The following ERICH1 variants were observed in gnomAD, a reference collection of about 807,000 sequenced individuals.
ERICH1 encodes glutamate-rich protein 1.
A neutral mutation model predicts 39.6 loss-of-function variants in ERICH1; 56 were observed. That is an observed-to-expected ratio of 1.41 (90% confidence interval 1.14 to 1.77). The LOEUF (loss-of-function observed/expected upper bound fraction) is 1.77, where lower values mean the gene tolerates loss of function less well. Among genes scored for constraint, ERICH1 ranks in the 40% most tolerant of loss-of-function variants. ERICH1 has a pLI of 0.00. For synonymous variants in ERICH1, 313 were observed against 223.6 expected, an observed-to-expected ratio of 1.40 and a Z score of -3.57; for missense variants, 826 against 575.4, an observed-to-expected ratio of 1.44 and a Z score of -4.45.
chr8:624,245 A>C (rs767715356), intron 3 of ERICH1, among the ~76,000 whole-genome samples: 2 of 152,212 alleles, frequency 1.3e-5, no homozygotes, highest in African/African-American at 2.4e-5. Context: ...GATGATGTAA[A>C]GATTGGAGAG....
intron 1 of ERICH1, among the ~76,000 whole-genome samples, chr8:729,127 G>A (rs923562119): frequency 2.0e-5 from 3 of 152,192 alleles, no homozygotes; most frequent in African/African-American, 7.2e-5. Context: ...TACCGTGCCT[G>A]ATTCGCTGCC....
At chr8:679,827 C>T (rs185598760) in intron 3 of ERICH1, among the ~76,000 whole-genome samples, 5 of 151,936 alleles carry the variant, frequency 3.3e-5, no homozygotes, top group Admixed American at 6.5e-5. Flanking sequence ...AGGGAAGAAA[C>T]GCAGCTGCCA....
chr8:679,798 A>C (rs1805711168), intron 3 of ERICH1, among the ~76,000 whole-genome samples: 2 of 152,348 alleles, frequency 1.3e-5, no homozygotes, highest in South Asian at 4.1e-4. Flanking sequence ...CCAGGGAGAC[A>C]ACGTGTGCAA....
chr8:695,782 C>T (rs185741128), intron 2 of ERICH1, among the ~76,000 whole-genome samples: 67 of 146,858 alleles, frequency 4.6e-4, no homozygotes, highest in Non-Finnish European at 8.1e-4. Flanking sequence ...TCTCCTTCCT[C>T]CCCATCAACC....
At chr8:708,717 A>C in intron 2 of ERICH1, among the ~76,000 whole-genome samples, 1 of 55,194 alleles carries the variant, frequency 1.8e-5, no homozygotes, top group South Asian at 7.0e-4. Flanking sequence ...TTTTTGAGAC[A>C]GGGTCTCACT....
intron 4 of ERICH1, among the ~76,000 whole-genome samples, chr8:669,966 G>T (rs577526056): frequency 6.6e-6 from 1 of 152,044 alleles, no homozygotes. Context: ...TCACATCTCC[G>T]TCCTGCCCCC....
At chr8:624,498 G>C (rs1208888302) in intron 3 of ERICH1, among the ~76,000 whole-genome samples, 1 of 152,160 alleles carries the variant, frequency 6.6e-6, no homozygotes, top group Non-Finnish European at 1.5e-5. Context: ...GTCCTTTCTT[G>C]AACTGCTATA....
chr8:691,336 G>A (rs1437480868), intron 3 of ERICH1, among the ~76,000 whole-genome samples: 1 of 152,246 alleles, frequency 6.6e-6, no homozygotes, highest in Non-Finnish European at 1.5e-5. Flanking sequence ...GAACACTGCT[G>A]TAGCTCAGTC....
intron 3 of ERICH1, among the ~76,000 whole-genome samples, chr8:688,447 T>G (rs929123255): frequency 2.6e-5 from 4 of 151,766 alleles, no homozygotes; most frequent in African/African-American, 9.7e-5. Context: ...GCCCATTCTG[T>G]AGGCCAGGCT....
rs1563263108 is a variant in ERICH1, at chr8:687,675, G to C, written c.304+4803C>G. On this transcript the variant is annotated intron_variant, in intron 3 of 5. Coordinates refer to ENST00000262109, the MANE Select transcript of ERICH1 (RefSeq NM_207332.3). Reference sequence around the variant, plus strand: ...CGCCCGGGCGGCCCAGGCGAGGCAGGACGCAGCGCTGACCGGACCCAGGGC... The same window carrying C: ...CGCCCGGGCGGCCCAGGCGAGGCAGCACGCAGCGCTGACCGGACCCAGGGC... Among the ~76,000 whole-genome samples, 4 of 152,270 alleles carry C rather than the reference G, an allele frequency of 2.6e-5. No homozygotes were observed. The East Asian group carries it at 5.8e-4, about 22-fold the overall frequency.
chr8:635,803 TG>T (rs143668530), intron 3 of ERICH1, among the ~76,000 whole-genome samples: 1,719 of 152,306 alleles, frequency 0.011, 30 homozygotes, highest in African/African-American at 0.04. Flanking sequence ...TCCACATGCG[TG>T]CTGCACCCCA....
chr8:655,501 G>A (rs945775980), intron 3 of ERICH1, among the ~76,000 whole-genome samples: 1 of 152,208 alleles, frequency 6.6e-6, no homozygotes, highest in African/African-American at 2.4e-5. Context: ...ACCTGCCCTT[G>A]CAGGAGCTCC....
At chr8:670,126 T>C (rs1802952273) in intron 4 of ERICH1, among the ~76,000 whole-genome samples, 1 of 152,224 alleles carries the variant, frequency 6.6e-6, no homozygotes, top group South Asian at 2.1e-4. Flanking sequence ...TGGTCACTAA[T>C]TCTCTTTTAT....
intron 3 of ERICH1, among the ~76,000 whole-genome samples, chr8:622,245 A>C (rs1310641168): frequency 1.3e-5 from 2 of 151,958 alleles, no homozygotes; most frequent in African/African-American, 2.4e-5. Context: ...TAAATAAATA[A>C]ATTCCTTGCT....
At chr8:676,500 TCGTGAGGACAG>T (rs1804830003) in intron 3 of ERICH1, among the ~76,000 whole-genome samples, 1 of 139,970 alleles carries the variant, frequency 7.1e-6, no homozygotes, top group African/African-American at 2.7e-5. Flanking sequence ...CGGCGGCCCC[TCGTGAGGACAG>T]AGGCGCGGCG....
chr8:616,133 T>A (rs1191666328), intron 3 of ERICH1: 3 of 168,916 alleles, frequency 1.8e-5, no homozygotes, highest in Admixed American at 1.7e-4. Context: ...TAATTTTTTC[T>A]CTGTAATGAT....
At chr8:660,302 A>T (rs1801228188), downstream of ERICH1, among the ~76,000 whole-genome samples, 1 of 152,272 alleles carries the variant, frequency 6.6e-6, no homozygotes, top group African/African-American at 2.4e-5. Flanking sequence ...GACTTTTAAC[A>T]ACAGGCAGAT....
At chr8:632,136 G>C (rs922943099) in intron 3 of ERICH1, among the ~76,000 whole-genome samples, 13 of 152,292 alleles carry the variant, frequency 8.5e-5, no homozygotes, top group African/African-American at 3.1e-4. Flanking sequence ...GGAAAACTTT[G>C]TGGGATAAAT....
chr8:623,299 C>T (rs1797401212), intron 3 of ERICH1, among the ~76,000 whole-genome samples: 1 of 152,142 alleles, frequency 6.6e-6, no homozygotes, highest in Non-Finnish European at 1.5e-5. Flanking sequence ...CATGTGGCTT[C>T]CCAATAGACG....
Sources: allele counts gnomAD v4.1 joint callset (sites outside exome capture counted in the v4.1 genomes callset), GRCh38; gene constraint gnomAD v4.1.1; transcripts MANE v1.5; gene names NCBI Gene and HGNC (gene_info 2026-07-23, HGNC 2026-07-21).